The following KIAA0513 variants were observed in gnomAD, a reference collection of about 807,000 sequenced individuals.
The protein encoded by KIAA0513 is KIAA0513.
In KIAA0513, 39 loss-of-function variants were observed where a neutral mutation model predicts 56.5. The ratio of observed to expected loss-of-function variants is 0.69; its 90% CI spans 0.53 to 0.90. The LOEUF (loss-of-function observed/expected upper bound fraction) is 0.90, where lower values mean the gene tolerates loss of function less well. Among genes scored for constraint, KIAA0513 ranks in the 40% least tolerant of loss-of-function variants. The pLI is 0.00. For synonymous variants in KIAA0513, 268 were observed against 215.6 expected (o/e 1.24, Z -2.13); for missense variants, 591 against 535.2 (o/e 1.10, Z -1.03).
intron 1 of KIAA0513, among the ~76,000 whole-genome samples, chr16:85,032,616 A>G (rs2072980153): frequency 6.6e-6 from 1 of 151,980 alleles, no homozygotes; most frequent in Admixed American, 6.6e-5. Context: ...ACCTCCTCTT[A>G]ACTAATTACA....
chr16:85,033,878 A>AC (rs1271485205), intron 1 of KIAA0513, among the ~76,000 whole-genome samples: 2 of 150,696 alleles, frequency 1.3e-5, no homozygotes, highest in African/African-American at 4.9e-5. Flanking sequence ...TCCCTGCCCC[A>AC]CCCCCCACTT....
Position 85,078,954 on chromosome 16 carries a change from A to G in KIAA0513, c.853A>G (p.Lys285Glu). The G allele has an allele frequency of 6.2e-7, 1 of 1,614,140 alleles. No individual in the cohort carries two copies. The highest frequency in any genetic ancestry group is 8.5e-7 in the Non-Finnish European group (1 of 1,180,026). Residue 285 changes from lysine (K) to glutamate (E), a missense_variant, in exon 8 of 13, where the codon AAG (lysine) becomes GAG (glutamate). Transcript: ENST00000683363. ...CGCGTACAGCCCCGAGGACGAAAAG[A>G]AGGGGGAGAAGATCTACCTGTACAC... ...VTAYSPEDEK[K>E]GEKIYLYTHL...
rs1480764897 is a variant in KIAA0513 at position 85,094,114 on chromosome 16, A to G, written c.*5789A>G. ...AAGGTTGAGAAAGTTTCAAGGGTGA[A>G]GATCTCAAAACAGTGCTAAAATCAA... On this transcript the variant is annotated 3_prime_UTR_variant, in exon 13 of 13. Transcript: ENST00000683363. 3 of 152,218 alleles carry G rather than the reference A, an allele frequency of 2.0e-5. No individual in the cohort carries two copies. Among genetic ancestry groups the G allele is most frequent in the Non-Finnish European group, 4.4e-5 (3 of 68,040 alleles). 9.4% of individuals were successfully genotyped at this position (152,218 alleles called of 1,614,324 possible).
chr16:85,057,965 C>T (rs2073352952), intron 1 of KIAA0513, among the ~76,000 whole-genome samples: 1 of 152,116 alleles, frequency 6.6e-6, no homozygotes, highest in African/African-American at 2.4e-5. Flanking sequence ...GGGCAGTGCT[C>T]CCCACAGGAG....
chr16:85,082,684 G>T, intron 10 of KIAA0513, 91 bp downstream of exon 10: 1 of 1,330,894 alleles, frequency 7.5e-7, no homozygotes, highest in Non-Finnish European at 1.1e-6. Flanking sequence ...GTGCTGAGCT[G>T]CTGCAGCAGG....
intron 1 of KIAA0513, among the ~76,000 whole-genome samples, chr16:85,058,100 T>C (rs1041976412): frequency 6.6e-5 from 10 of 152,232 alleles, no homozygotes; most frequent in African/African-American, 2.2e-4. Context: ...GATGCTATTT[T>C]GGTTATCAAA....
chr16:85,072,437 G>C (rs1397647837), intron 3 of KIAA0513, among the ~76,000 whole-genome samples: 1 of 150,274 alleles, frequency 6.7e-6, no homozygotes, highest in East Asian at 1.9e-4. Flanking sequence ...TATTAACAAA[G>C]TTTAGAAAAG....
intron 1 of KIAA0513, among the ~76,000 whole-genome samples, chr16:85,046,092 A>G (rs2073167132): frequency 6.6e-6 from 1 of 152,112 alleles, no homozygotes. Flanking sequence ...TTGCACATTG[A>G]GGGAGCTGCT....
chr16:85,034,060 G>A (rs2073002846), intron 1 of KIAA0513, among the ~76,000 whole-genome samples: 1 of 152,094 alleles, frequency 6.6e-6, no homozygotes, highest in Non-Finnish European at 1.5e-5. Context: ...ACATCTGTTG[G>A]GACAGATGAC....
intron 1 of KIAA0513, among the ~76,000 whole-genome samples, chr16:85,049,344 C>G (rs1298146174): frequency 6.6e-6 from 1 of 152,218 alleles, no homozygotes; most frequent in East Asian, 1.9e-4. Context: ...CCAGCGGGAG[C>G]TGAGCACCAA....
intron 1 of KIAA0513, among the ~76,000 whole-genome samples, chr16:85,042,413 C>T (rs2073115586): frequency 6.6e-6 from 1 of 152,178 alleles, no homozygotes; most frequent in African/African-American, 2.4e-5. Flanking sequence ...CCTTATTCAT[C>T]CCCCAGATGA....
At chr16:85,036,798 TCA>T (rs985478448) in intron 1 of KIAA0513, among the ~76,000 whole-genome samples, 2 of 152,190 alleles carry the variant, frequency 1.3e-5, no homozygotes, top group African/African-American at 4.8e-5. Context: ...TTTCCTTATT[TCA>T]CACACAGTTT....
rs567955527 is a variant in KIAA0513, at chr16:85,057,715, A to G, written c.-172-9185A>G. On this transcript the variant is annotated intron_variant, in intron 1 of 12. Transcript: ENST00000683363. Reference sequence around the variant, plus strand: ...GTCAGCCAGAGCTAGCCCGTATGCCAGTGCCTGGTTTAGAGGATCTCCACT... The same window carrying G: ...GTCAGCCAGAGCTAGCCCGTATGCCGGTGCCTGGTTTAGAGGATCTCCACT... Among the ~76,000 whole-genome samples, 570 of 151,688 alleles carry G rather than the reference A, an allele frequency of 3.8e-3. 7 individuals carry two copies. Among genetic ancestry groups the G allele is most frequent in the African/African-American group, 0.013 (527 of 41,292 alleles).
chr16:85,058,824 G>A (rs2073365370), intron 1 of KIAA0513, among the ~76,000 whole-genome samples: 1 of 152,170 alleles, frequency 6.6e-6, no homozygotes, highest in Non-Finnish European at 1.5e-5. Flanking sequence ...TCCAAATTCA[G>A]TATCTGCAGA....
At chr16:85,068,710 G>A (rs1268097760) in intron 2 of KIAA0513, among the ~76,000 whole-genome samples, 3 of 151,956 alleles carry the variant, frequency 2.0e-5, no homozygotes, top group Admixed American at 2.0e-4. Context: ...CAGGTGATCC[G>A]CCTGCCTCGG....
At chr16:85,037,750 G>A (rs2073053969) in intron 1 of KIAA0513, among the ~76,000 whole-genome samples, 2 of 152,156 alleles carry the variant, frequency 1.3e-5, no homozygotes, top group Non-Finnish European at 2.9e-5. Flanking sequence ...GAAGCAAGCG[G>A]TATTCTACAT....
intron 1 of KIAA0513, among the ~76,000 whole-genome samples, chr16:85,056,373 G>A (rs1468794178): frequency 2.6e-5 from 4 of 152,138 alleles, no homozygotes; most frequent in East Asian, 1.9e-4. Flanking sequence ...GGAGAAGCCC[G>A]TCAGTAAGTT....
intron 1 of KIAA0513, among the ~76,000 whole-genome samples, chr16:85,034,671 T>G (rs1219075233): frequency 6.6e-6 from 1 of 152,150 alleles, no homozygotes; most frequent in Non-Finnish European, 1.5e-5. Flanking sequence ...TTATTATGGC[T>G]CATATTTATA....
intron 2 of KIAA0513, among the ~76,000 whole-genome samples, chr16:85,070,655 G>A (rs1035631295): frequency 1.3e-5 from 2 of 152,304 alleles, no homozygotes; most frequent in South Asian, 2.1e-4. Context: ...TCCAGCCTGC[G>A]CAAGACAGAG....
Sources: gnomAD v4.1 joint callset for allele counts (sites outside exome capture counted in the v4.1 genomes callset) on GRCh38, gnomAD v4.1.1 for gene constraint, MANE v1.5 for transcripts, NCBI Gene and HGNC (gene_info 2026-07-23, HGNC 2026-07-21) for gene names.